The following DHX15 variants were observed in gnomAD, a reference collection of about 807,000 sequenced individuals.
DHX15 encodes the protein ATP-dependent RNA helicase DHX15.
Under a neutral mutation model 94.4 loss-of-function variants are expected in DHX15, and 11 were observed. That is an observed-to-expected ratio of 0.12 (90% CI 0.07 to 0.19). The LOEUF is 0.19. Ranked by LOEUF, DHX15 falls within the 10% of genes least tolerant of loss-of-function variation. The pLI is 1.00. For missense variants in DHX15, 304 were observed against 988.5 expected (o/e 0.31, Z 9.29); for synonymous variants, 338 against 329.9 (o/e 1.02, Z -0.27).
intron 10 of DHX15, chr4:24,538,485 G>C (rs1721238981): frequency 6.6e-6 from 1 of 152,090 alleles, no homozygotes; most frequent in Non-Finnish European, 1.5e-5. Flanking sequence ...GAATAAATAA[G>C]TAGTGCTCTC....
At chr4:24,564,617 G>A (rs1034111343) in intron 3 of DHX15, among the ~76,000 whole-genome samples, 10 of 152,112 alleles carry the variant, frequency 6.6e-5, no homozygotes, top group African/African-American at 1.7e-4. Context: ...GATATTAGCC[G>A]AGTCCTTACA....
At chr4:24,555,047 C>T (rs1397592924) in intron 4 of DHX15, 104 bp from the exon 5 acceptor site, 4 of 706,590 alleles carry the variant, frequency 5.7e-6, no homozygotes, top group East Asian at 2.8e-5. Context: ...TATAAAAATG[C>T]CCATGAAAAC....
chr4:24,537,091 A>G lies in DHX15; in HGVS notation c.1869T>C (p.Asp623=), dbSNP rs369222742. 1.2e-6 allele frequency: 2 copies of G among 1,613,824 alleles called. No individual in the cohort carries two copies. The highest frequency in any genetic ancestry group is 2.7e-5 in the African/African-American group (2 of 74,918). Reference sequence around the variant, plus strand: ...GGTAGACGTTCAGCAGTGTCAGATGATCTCCATCTATGTGGGCAAATCTCA... The same window carrying G: ...GGTAGACGTTCAGCAGTGTCAGATGGTCTCCATCTATGTGGGCAAATCTCA... The part of the protein sequence containing the change: ...AKMRFAHIDG[D]HLTLLNVYHA... Residue 623 remains aspartate (D), a synonymous_variant, in exon 11 of 14, where the codon GAT becomes GAC. Coordinates refer to ENST00000336812, the MANE Select transcript of DHX15 (RefSeq NM_001358.3). The surrounding 1 kb of genome is among the most constrained non-coding windows in gnomAD (Gnocchi z 4.7).
chr4:24,561,028 G>C (rs1420032081), intron 3 of DHX15, among the ~76,000 whole-genome samples: 2 of 152,140 alleles, frequency 1.3e-5, no homozygotes, highest in African/African-American at 4.8e-5. Flanking sequence ...TCTGCCAAAA[G>C]CTGATAAAAT....
At chr4:24,557,711 G>A (rs867921695) in intron 3 of DHX15, among the ~76,000 whole-genome samples, 8 of 152,028 alleles carry the variant, frequency 5.3e-5, no homozygotes, top group Middle Eastern at 3.2e-3. Context: ...GACCAGGAAA[G>A]AAAAAACACT....
chr4:24,565,415 G>A (rs1174978479), intron 3 of DHX15, among the ~76,000 whole-genome samples: 1 of 152,170 alleles, frequency 6.6e-6, no homozygotes, highest in Non-Finnish European at 1.5e-5. Flanking sequence ...CTCTTTTTAA[G>A]AGTCCAATAA....
chr4:24,572,145 T>C (rs535667556), intron 2 of DHX15, among the ~76,000 whole-genome samples: 96 of 152,274 alleles, frequency 6.3e-4, no homozygotes, highest in South Asian at 1.0e-3. Flanking sequence ...CTTTTGTTTT[T>C]TTGTTTGTTT....
At chr4:24,549,860 G>A (rs902884387) in intron 5 of DHX15, among the ~76,000 whole-genome samples, 5 of 151,980 alleles carry the variant, frequency 3.3e-5, no homozygotes, top group African/African-American at 9.7e-5. Context: ...TTGGGAGGCC[G>A]AGGTGGGCGG....
chr4:24,579,859 T>C (rs1722369834), intron 1 of DHX15, among the ~76,000 whole-genome samples: 1 of 151,980 alleles, frequency 6.6e-6, no homozygotes, highest in Non-Finnish European at 1.5e-5. Context: ...TCTGCCTCCC[T>C]GTTTCAAGCG....
intron 4 of DHX15, among the ~76,000 whole-genome samples, chr4:24,555,511 TCA>T (rs1721716080): frequency 6.6e-6 from 1 of 152,200 alleles, no homozygotes; most frequent in South Asian, 2.1e-4. Context: ...TGCTCAGGCC[TCA>T]GTTTTTTTTC....
chr4:24,558,875 C>T lies in DHX15; in HGVS notation c.702-2465G>A, dbSNP rs985560181. The stretch of plus-strand genomic sequence containing the variant: ...GTTACTAAGACTAGGTATCACTGTA[C>T]TGATTCCCAGTCCTAAGTCTCTCCT... On this transcript the variant is annotated intron_variant, in intron 3 of 13. Transcript: ENST00000336812. 6.6e-5 allele frequency among the ~76,000 whole-genome samples: 10 copies of T among 152,254 alleles called. No homozygotes were observed. In the East Asian group the frequency reaches 1.9e-3, roughly 29 times the overall value.
intron 6 of DHX15, among the ~76,000 whole-genome samples, chr4:24,544,443 GACT>G (rs1721381343): frequency 6.6e-6 from 1 of 152,150 alleles, no homozygotes. Context: ...CAGTTGAAAA[GACT>G]GACAACTAGC....
At chr4:24,550,449 A>G (rs760654284) in intron 5 of DHX15, among the ~76,000 whole-genome samples, 1 of 152,170 alleles carries the variant, frequency 6.6e-6, no homozygotes, top group African/African-American at 2.4e-5. Flanking sequence ...TGGCTGTGCA[A>G]AAGTATTTTC....
At chr4:24,581,951 A>T (rs1019382104) in intron 1 of DHX15, among the ~76,000 whole-genome samples, 3 of 152,174 alleles carry the variant, frequency 2.0e-5, no homozygotes, top group Admixed American at 2.0e-4. Context: ...GAGCATTAAT[A>T]TAAGTGAAAT....
intron 5 of DHX15, among the ~76,000 whole-genome samples, chr4:24,550,938 T>C (rs1365565198): frequency 3.4e-4 from 52 of 152,224 alleles, no homozygotes; most frequent in Admixed American, 3.3e-3. Context: ...TAATGTGTTG[T>C]GCTGTGATGC....
Position 24,584,152 on chromosome 4 carries a change from G to A in DHX15, c.71+171C>T, listed in dbSNP as rs151291526. 0.033 allele frequency: 22,426 copies of A among 678,680 alleles called. 483 individuals are homozygous for A. The highest frequency in any genetic ancestry group is 0.061 in the Admixed American group (2,024 of 33,292). 42.0% of individuals were successfully genotyped at this position (678,680 alleles called of 1,614,324 possible). On this transcript the variant is annotated intron_variant, in intron 1 of 13. Coordinates refer to ENST00000336812, the MANE Select transcript of DHX15 (RefSeq NM_001358.3). ...GTCGCACGCAACCCCCCGCGCCCTT[G>A]CCGGGCCGAACGGGCGCCGCGCTTC...
chr4:24,579,663 AAT>A (rs1468961012), intron 1 of DHX15, among the ~76,000 whole-genome samples: 1 of 152,220 alleles, frequency 6.6e-6, no homozygotes, highest in Non-Finnish European at 1.5e-5. Flanking sequence ...TGTGGCTATC[AAT>A]ATGTTTTGTA....
At chr4:24,566,013 T>C (rs1343867114) in intron 3 of DHX15, among the ~76,000 whole-genome samples, 1 of 151,894 alleles carries the variant, frequency 6.6e-6, no homozygotes, top group Non-Finnish European at 1.5e-5. Flanking sequence ...CTAGGATCTA[T>C]TTCCTTTTGA....
chr4:24,535,000 T>C (rs1184187632), intron 11 of DHX15, among the ~76,000 whole-genome samples: 3 of 150,644 alleles, frequency 2.0e-5, no homozygotes, highest in Non-Finnish European at 4.4e-5. Context: ...AAGGTGGCAA[T>C]CAGTGATTAA....
Sources: allele counts gnomAD v4.1 joint callset (sites outside exome capture counted in the v4.1 genomes callset), GRCh38; gene constraint gnomAD v4.1.1; non-coding constraint Gnocchi (gnomAD v3.1); transcripts MANE v1.5; gene names NCBI Gene and HGNC (gene_info 2026-07-23, HGNC 2026-07-21).